The following IL12RB2 variants were observed in gnomAD, a reference collection of about 807,000 sequenced individuals.
The protein encoded by IL12RB2 is interleukin-12 receptor subunit beta-2.
In IL12RB2, 82 loss-of-function variants were observed where a neutral mutation model predicts 89.4. The ratio of observed to expected loss-of-function variants is 0.92; its 90% CI spans 0.77 to 1.10. The LOEUF is 1.10. Ranked by LOEUF, IL12RB2 falls within the 50% of genes least tolerant of loss-of-function variation. IL12RB2 has a pLI of 0.00. For synonymous variants in IL12RB2, 368 were observed against 370.1 expected (o/e 0.99, Z 0.07); for missense variants, 963 against 1,031.9 (o/e 0.93, Z 0.92).
intron 10 of IL12RB2, among the ~76,000 whole-genome samples, chr1:67,365,117 A>G (rs1570071721): frequency 6.6e-6 from 1 of 152,216 alleles, no homozygotes; most frequent in East Asian, 1.9e-4. Context: ...ATAAAAATAA[A>G]ACATCAAAAT....
chr1:67,331,082 A>C (rs893139760), intron 8 of IL12RB2, among the ~76,000 whole-genome samples: 1 of 152,238 alleles, frequency 6.6e-6, no homozygotes, highest in Non-Finnish European at 1.5e-5. Context: ...GTTATAACTT[A>C]TCTCTCTTAC....
chr1:67,347,647 C>T (rs1352279835), intron 9 of IL12RB2, among the ~76,000 whole-genome samples: 1 of 152,262 alleles, frequency 6.6e-6, no homozygotes, highest in South Asian at 2.1e-4. Context: ...TAAATCATTT[C>T]CCACAGGTCA....
chr1:67,322,001 C>T, intron 4 of IL12RB2, 112 bp downstream of exon 4: 1 of 931,740 alleles, frequency 1.1e-6, no homozygotes, highest in Non-Finnish European at 1.8e-6. Context: ...CTTTCTTTTC[C>T]CACCACATTG....
Position 67,313,918 on chromosome 1 carries a change from G to T in IL12RB2, c.-119G>T, listed in dbSNP as rs532076753. 6.6e-6 allele frequency: 1 copy of T among 152,104 alleles called. No homozygotes were observed. Among genetic ancestry groups the T allele is most frequent in the African/African-American group, 2.4e-5 (1 of 41,414 alleles). 9.4% of individuals were successfully genotyped at this position (152,104 alleles called of 1,614,324 possible). On this transcript the variant is annotated 5_prime_UTR_variant, in exon 2 of 17. Transcript: ENST00000674203. ...AGTCCCCTCTTTTTTTCTAGGTCAC[G>T]GTGATCCATTTGTAAAGTCGGGAAT...
chr1:67,320,084 A>G (rs1322784143), intron 2 of IL12RB2, among the ~76,000 whole-genome samples: 1 of 152,164 alleles, frequency 6.6e-6, no homozygotes, highest in East Asian at 1.9e-4. Context: ...CAGCAGCCCA[A>G]ATGAACTAAG....
At chr1:67,391,985 A>G (rs1249804516) in intron 16 of IL12RB2, among the ~76,000 whole-genome samples, 1 of 152,128 alleles carries the variant, frequency 6.6e-6, no homozygotes, top group Non-Finnish European at 1.5e-5. Context: ...GAGGAAATTG[A>G]GGCACAGAGG....
intron 10 of IL12RB2, among the ~76,000 whole-genome samples, chr1:67,361,579 G>T (rs1243762013): frequency 6.6e-6 from 1 of 152,054 alleles, no homozygotes; most frequent in South Asian, 2.1e-4. Context: ...TGAGCTTGAA[G>T]ATATGTCAAT....
intron 4 of IL12RB2, 94 bp from the exon 5 acceptor site, chr1:67,326,641 T>G: frequency 6.5e-7 from 1 of 1,532,584 alleles, no homozygotes; most frequent in Non-Finnish European, 8.8e-7. Context: ...TTACGGCATG[T>G]GGGGGACGTA....
chr1:67,380,718 T>C (rs1281813840), intron 14 of IL12RB2, among the ~76,000 whole-genome samples: 1 of 152,218 alleles, frequency 6.6e-6, no homozygotes, highest in Non-Finnish European at 1.5e-5. Flanking sequence ...GGGTTGGTTC[T>C]TTCGGAGGGC....
chr1:67,309,045 C>CATATATATAT (rs146292829), intron 1 of IL12RB2, among the ~76,000 whole-genome samples: 1,751 of 149,426 alleles, frequency 0.012, 34 homozygotes, highest in African/African-American at 0.041. Flanking sequence ...CATACATATA[C>CATATATATAT]ATATATATAT....
intron 7 of IL12RB2, among the ~76,000 whole-genome samples, chr1:67,330,312 A>T: frequency 6.6e-6 from 1 of 151,902 alleles, no homozygotes; most frequent in Admixed American, 6.6e-5. Flanking sequence ...GTGTTAAAAC[A>T]TTCATCACAT....
At position 67,320,428 on chromosome 1, in the gene IL12RB2, G is replaced by A. The variant is rs1209423630; in HGVS notation, c.60G>A (p.Leu20=). 5 of 1,613,770 alleles carry A rather than the reference G, an allele frequency of 3.1e-6. No homozygotes were observed. The highest frequency in any genetic ancestry group is 4.2e-6 in the Non-Finnish European group (5 of 1,179,916). The change falls in exon 3 of 17, where the codon TTG becomes TTA. Residue 20 remains leucine (L), a synonymous_variant. Transcript: ENST00000674203. ...TTATGTTTATAATCACGTGGCTGTT[G>A]ATTAAAGCAAAAATAGGTAAGATAT... ...LAFMFIITWL[L]IKAKIDACKR...
intron 9 of IL12RB2, among the ~76,000 whole-genome samples, chr1:67,347,165 T>TA (rs1229303940): frequency 6.6e-6 from 1 of 152,052 alleles, no homozygotes; most frequent in African/African-American, 2.4e-5. Flanking sequence ...TCTGCTCTAA[T>TA]AAGAAAAAAA....
At position 67,395,710 on chromosome 1, in the gene IL12RB2, A is replaced by G. The variant is rs763205746; in HGVS notation, c.2210A>G (p.Gln737Arg). 4 of 1,614,096 alleles carry G rather than the reference A, an allele frequency of 2.5e-6. No homozygotes were observed. The African/African-American group carries it at 5.3e-5, about 22-fold the overall frequency. ...PQREKGIQGH[Q>R]ASEKDMMHSA... is the part of the protein sequence containing the mutation. ...AGGGAAAAAGGAATCCAAGGTCATCAGGCCTCTGAGAAAGACATGATGCAC... is the reference window on the plus strand; with the variant it reads ...AGGGAAAAAGGAATCCAAGGTCATCGGGCCTCTGAGAAAGACATGATGCAC... The change falls in exon 17 of 17, where the codon CAG becomes CGG. Residue 737 changes from glutamine (Q) to arginine (R), a missense_variant. Physicochemically the swap from Gln to Arg is conservative, Grantham distance 43. Transcript: ENST00000674203.
In IL12RB2 at chr1:67,326,860, G is replaced by T. The variant is rs760637182; in HGVS notation, c.479+11G>T. 7.8e-6 allele frequency: 11 copies of T among 1,419,260 alleles called. No homozygotes were observed. In the African/African-American group the frequency reaches 1.6e-4, roughly 20 times the overall value. 87.9% of individuals were successfully genotyped at this position (1,419,260 alleles called of 1,614,324 possible). The stretch of plus-strand genomic sequence containing the variant: ...TGAGTATACTCTACAGTGAGTGAGA[G>T]GCTGTATTTTTGCAGCTGTTTTGTA... On this transcript the variant is annotated intron_variant, in intron 5 of 16. Coordinates refer to ENST00000674203, the MANE Select transcript of IL12RB2 (RefSeq NM_001374259.2).
chr1:67,328,309 A>T lies in IL12RB2; in HGVS notation c.589A>T (p.Thr197Ser), dbSNP rs755027807. 7 of 1,614,204 alleles carry T rather than the reference A, an allele frequency of 4.3e-6. No homozygotes were observed. The Admixed American group carries it at 1.0e-4, about 23-fold the overall frequency. The change falls in exon 6 of 17, where the codon ACA (threonine) becomes TCA (serine). Residue 197 changes from threonine (T) to serine (S), a missense_variant. By Grantham distance (58) the Thr-to-Ser change is moderately conservative (BLOSUM62 1). Transcript: ENST00000674203. ...LTPESPESNF[T>S]AKVTAVNSLG... Reference sequence around the variant, plus strand: ...CCCTGAATCACCTGAATCCAATTTCACAGCCAAGGTTACTGCTGTCAATAG... The same window carrying T: ...CCCTGAATCACCTGAATCCAATTTCTCAGCCAAGGTTACTGCTGTCAATAG...
chr1:67,378,841 C>T (rs1320915064), intron 13 of IL12RB2, among the ~76,000 whole-genome samples: 2 of 111,044 alleles, frequency 1.8e-5, no homozygotes, highest in South Asian at 6.8e-4. Flanking sequence ...CAGAGCAAGA[C>T]TCTTCTCAAA....
chr1:67,354,584 G>C (rs1661182326), intron 10 of IL12RB2, among the ~76,000 whole-genome samples: 1 of 152,128 alleles, frequency 6.6e-6, no homozygotes, highest in South Asian at 2.1e-4. Flanking sequence ...TAGAAGTGCT[G>C]GAATCTCAAG....
intron 5 of IL12RB2, 141 bp from the exon 6 acceptor site, chr1:67,328,059 C>T (rs138965406): frequency 6.8e-5 from 48 of 703,858 alleles, no homozygotes; most frequent in African/African-American, 5.7e-4. Context: ...CAAATATTCC[C>T]GGGGTGTATC....
Sources: allele counts gnomAD v4.1 joint callset (sites outside exome capture counted in the v4.1 genomes callset), GRCh38; gene constraint gnomAD v4.1.1; transcripts MANE v1.5; gene names NCBI Gene and HGNC (gene_info 2026-07-23, HGNC 2026-07-21).